The following CCDC74B variants were observed in gnomAD, a reference collection of about 807,000 sequenced individuals.
The protein encoded by CCDC74B is coiled-coil domain containing 74B, also known as coiled-coil domain-containing protein 74B.
CCDC74B carries 34 observed loss-of-function variants against 38.0 expected under a neutral mutation model. The observed-to-expected ratio is 0.89, with a 90% CI of 0.68 to 1.19. CCDC74B has a LOEUF of 1.19. Ranked by LOEUF, CCDC74B falls within the 50% of genes most tolerant of loss-of-function variation. The probability of loss-of-function intolerance (pLI) is 0.00; values close to 1 mark genes in which losing one functional copy is unlikely to be tolerated. For missense variants in CCDC74B, 358 were observed against 406.0 expected (o/e 0.88, Z 1.02); for synonymous variants, 132 against 170.4 (o/e 0.77, Z 1.76).
In CCDC74B at chr2:130,140,339, G is replaced by T. The variant is rs148260408; in HGVS notation, c.518C>A (p.Ala173Asp). 1.2e-6 allele frequency: 2 copies of T among 1,605,842 alleles called. No individual in the cohort carries two copies. Among genetic ancestry groups the T allele is most frequent in the Non-Finnish European group, 1.7e-6 (2 of 1,176,334 alleles). The change falls in exon 5 of 8, where the codon GCT becomes GAT. Residue 173 changes from alanine (A) to aspartate (D), a missense_variant. Transcript: ENST00000409943. ...GTGCTGGCTGTTCCCCATACAGGCA[G>T]CTCCTGCGTTAGAGGCCTCTGCTTT... ...KEKAEASNAG[A>D]ACMGNSQHQG...
Position 130,142,632 on chromosome 2 carries a change from G to C in CCDC74B, c.296-449C>G, listed in dbSNP as rs983630217. On this transcript the variant is annotated intron_variant, in intron 2 of 7. Transcript: ENST00000409943. The stretch of plus-strand genomic sequence containing the variant: ...CCCCAGCTACGATGTTCCCAGGCTG[G>C]CTCCATCCACCAGTCAGATGTCCTC... 27 of 1,543,162 alleles carry C rather than the reference G, an allele frequency of 1.7e-5. No individual in the cohort carries two copies. The Admixed American group carries it at 4.7e-4, about 27-fold the overall frequency.
chr2:130,144,756 C>G lies in CCDC74B; in HGVS notation c.241G>C (p.Glu81Gln). 3.7e-6 allele frequency: 6 copies of G among 1,612,490 alleles called. No homozygotes were observed. Among genetic ancestry groups the G allele is most frequent in the African/African-American group, 2.7e-5 (2 of 74,638 alleles). The change falls in exon 1 of 8, where the codon GAA becomes CAA. Residue 81 changes from glutamate (E) to glutamine (Q), a missense_variant. By Grantham distance (29) the Glu-to-Gln change is conservative. This residue lies in a region of CCDC74B where 128 missense variants were observed against 146.7 expected (regional missense o/e 0.87). Coordinates refer to ENST00000409943, the MANE Select transcript of CCDC74B (RefSeq NM_001258307.2). ...CCCCGCGCCGGCTCACCCTTGTTTTCCCGCTTCAGATGCTCGATCTCCTCA... is the reference window on the plus strand; with the variant it reads ...CCCCGCGCCGGCTCACCCTTGTTTTGCCGCTTCAGATGCTCGATCTCCTCA... ...LHEEIEHLKR[E>Q]NKDLRYKLIM...
chr2:130,143,015 A>G (rs914515495), intron 2 of CCDC74B: 5 of 1,497,086 alleles, frequency 3.3e-6, no homozygotes, highest in African/African-American at 1.4e-5. Context: ...AGGTCTGGGG[A>G]GCACCCTGTG....
At chr2:130,144,475 C>T (rs1558726383) in intron 1 of CCDC74B, 2 of 1,466,050 alleles carry the variant, frequency 1.4e-6, no homozygotes, top group Non-Finnish European at 1.9e-6. Flanking sequence ...GTGTCTGACC[C>T]TGCTTGGAGA....
intron 2 of CCDC74B, chr2:130,142,535 A>G: frequency 6.4e-7 from 1 of 1,553,122 alleles, no homozygotes; most frequent in Non-Finnish European, 8.7e-7. Context: ...GAGTTGCCAC[A>G]GCGGCTAGGG....
chr2:130,140,465 T>C (rs1177309309), intron 4 of CCDC74B, 94 bp from the exon 5 acceptor site: 1 of 1,403,886 alleles, frequency 7.1e-7, no homozygotes, highest in African/African-American at 1.4e-5. Flanking sequence ...CAGGCCAATG[T>C]GGGGAAGAGG....
chr2:130,139,884 G>T lies in CCDC74B; in HGVS notation c.809+7C>A. 1 of 1,610,774 alleles carries T rather than the reference G, an allele frequency of 6.2e-7. No homozygotes were observed. Among genetic ancestry groups the T allele is most frequent in the Admixed American group, 1.7e-5 (1 of 59,432 alleles). ...TGCCCCACTGTCCCCATGCCTGTGG[G>T]ACTTACCATTTCTTGGAGAGGCTCT... On this transcript the variant is annotated splice_region_variant and intron_variant, in intron 7 of 7. Coordinates refer to ENST00000409943, the MANE Select transcript of CCDC74B (RefSeq NM_001258307.2).
intron 1 of CCDC74B, among the ~76,000 whole-genome samples, chr2:130,143,968 A>C: frequency 7.3e-6 from 1 of 137,006 alleles, no homozygotes; most frequent in Non-Finnish European, 1.6e-5. Context: ...AGGAGCAGCT[A>C]AGGGTGCAGT....
intron 1 of CCDC74B, among the ~76,000 whole-genome samples, chr2:130,143,704 C>T (rs1435335298): frequency 6.6e-6 from 1 of 152,058 alleles, no homozygotes; most frequent in Non-Finnish European, 1.5e-5. Context: ...ACGGGGCGTC[C>T]TGAGGCTCAA....
In CCDC74B at chr2:130,142,936, G is replaced by A. The variant is rs548054138; in HGVS notation, c.295+333C>T. On this transcript the variant is annotated intron_variant, in intron 2 of 7. Coordinates refer to ENST00000409943, the MANE Select transcript of CCDC74B (RefSeq NM_001258307.2). The stretch of plus-strand genomic sequence containing the variant: ...GGGCCTGGCCACAGCAGCAATCTGA[G>A]GCAAAGATCTAGCAGGGCAGGGGCT... 69 of 1,549,642 alleles carry A rather than the reference G, an allele frequency of 4.5e-5. 1 individual carries two copies. The South Asian group carries it at 6.6e-4, about 15-fold the overall frequency.
Position 130,139,406 on chromosome 2 carries a change from T to C in CCDC74B, c.*149A>G, listed in dbSNP as rs1238661141. 6.9e-6 allele frequency: 7 copies of C among 1,010,916 alleles called. No homozygotes were observed. In the East Asian group the frequency reaches 1.9e-4, roughly 27 times the overall value. The allele number at this position is 1,010,916 out of a possible 1,614,324, so 62.6% of individuals were successfully genotyped here. A position where few individuals can be genotyped will look rare whatever the true frequency, so the allele number is the denominator to read the frequency against. On this transcript the variant is annotated 3_prime_UTR_variant, in exon 8 of 8. Coordinates refer to ENST00000409943, the MANE Select transcript of CCDC74B (RefSeq NM_001258307.2). ...AGCTAGAAAATAAACAGTTTGTCAG[T>C]TTGGAGATCAAGTACTTTATCTATC...
rs1223806854 is a variant in CCDC74B, at chr2:130,142,173, G to A, written c.306C>T (p.Ser102=). ...NQTSQKKDSL[S]TSSFQSVKSI... is the part of the protein sequence containing the mutation. Reference sequence around the variant, plus strand: ...ACTTGACAGACTGGAAGCTTGACGTGGAGAGGCTGTCTGCAGGAGAGCGCA... The same window carrying A: ...ACTTGACAGACTGGAAGCTTGACGTAGAGAGGCTGTCTGCAGGAGAGCGCA... Residue 102 remains serine (S), a synonymous_variant, in exon 3 of 8, where the codon TCC becomes TCT. Coordinates refer to ENST00000409943, the MANE Select transcript of CCDC74B (RefSeq NM_001258307.2). 3 of 1,613,532 alleles carry A rather than the reference G, an allele frequency of 1.9e-6. No individual in the cohort carries two copies. Among genetic ancestry groups the A allele is most frequent in the African/African-American group, 1.3e-5 (1 of 74,920 alleles).
chr2:130,142,411 G>T (rs1204392669), intron 2 of CCDC74B: 1 of 1,613,390 alleles, frequency 6.2e-7, no homozygotes, highest in Non-Finnish European at 8.5e-7. Context: ...GGGACACATG[G>T]AACAGCAGGT....
chr2:130,139,971 T>G (rs768299950), intron 6 of CCDC74B, 24 bp from the exon 7 acceptor site: 2 of 1,608,206 alleles, frequency 1.2e-6, no homozygotes, highest in African/African-American at 2.7e-5. Flanking sequence ...GAGTCAGCAG[T>G]GAGCTGTGGA....
chr2:130,144,577 C>T (rs758369514), intron 1 of CCDC74B, 170 bp downstream of exon 1: 2 of 1,550,104 alleles, frequency 1.3e-6, no homozygotes, highest in South Asian at 1.2e-5. Context: ...CGCGGGTCTC[C>T]CTCTGGGAGG....
At chr2:130,142,730 G>A (rs1452447003) in intron 2 of CCDC74B, 13 of 1,548,000 alleles carry the variant, frequency 8.4e-6, no homozygotes, top group South Asian at 4.8e-5. Context: ...TGGGCTGGGT[G>A]GGGGCCGCTG....
At position 130,144,808 on chromosome 2, in the gene CCDC74B, C is replaced by T. The variant is rs1422374944; in HGVS notation, c.189G>A (p.Gln63=). Reference sequence around the variant, plus strand: ...GGAGCTTGGCCAGCATCTCCGAGTGCTGCTGCTGCAGGAACTGTAGGCTCT... The same window carrying T: ...GGAGCTTGGCCAGCATCTCCGAGTGTTGCTGCTGCAGGAACTGTAGGCTCT... ...LEKSLQFLQQ[Q]HSEMLAKLHE... Residue 63 remains glutamine (Q), a synonymous_variant, in exon 1 of 8, where the codon CAG becomes CAA. Coordinates refer to ENST00000409943, the MANE Select transcript of CCDC74B (RefSeq NM_001258307.2). 4.3e-6 allele frequency: 7 copies of T among 1,613,410 alleles called. No individual in the cohort carries two copies. The highest frequency in any genetic ancestry group is 2.2e-5 in the South Asian group (2 of 91,080).
At position 130,140,089 on chromosome 2, in the gene CCDC74B, T is replaced by C. The variant is rs1401234777; in HGVS notation, c.686A>G (p.His229Arg). ...TNLLQTQELQ[H>R]LKSLLEGSQR... is the part of the protein sequence containing the mutation. ...GCTCCCTTCCAGGAGGGACTTGAGG[T>C]GCTGCAGCTGAAAGGCAGGGGCAGG... is the stretch of plus-strand genomic sequence containing the variant. The change falls in exon 6 of 8, where the codon CAC (histidine) becomes CGC (arginine). Residue 229 changes from histidine to arginine, a missense_variant. Coordinates refer to ENST00000409943, the MANE Select transcript of CCDC74B (RefSeq NM_001258307.2). 1 of 1,612,774 alleles carries C rather than the reference T, an allele frequency of 6.2e-7. No homozygotes were observed. The highest frequency in any genetic ancestry group is 8.5e-7 in the Non-Finnish European group (1 of 1,179,762).
chr2:130,141,603 G>T lies in CCDC74B; in HGVS notation c.347-307C>A, dbSNP rs531696586. The T allele has an allele frequency of 3.7e-3, 1,757 of 468,786 alleles. 21 individuals carry two copies. The highest frequency in any genetic ancestry group is 0.032 in the African/African-American group (1,629 of 50,986). The allele number at this position is 468,786 out of a possible 1,614,324, so 29.0% of individuals were successfully genotyped here. ...GGACCCAGCCTGCATGGGTTTCCTC[G>T]GCAAGGACAAGGCCCGTCCAGCACC... On this transcript the variant is annotated intron_variant, in intron 3 of 7. Coordinates refer to ENST00000409943, the MANE Select transcript of CCDC74B (RefSeq NM_001258307.2).
Sources: allele counts gnomAD v4.1 joint callset (sites outside exome capture counted in the v4.1 genomes callset), GRCh38; gene constraint gnomAD v4.1.1; regional missense constraint gnomAD v4.1.1; transcripts MANE v1.5; gene names NCBI Gene and HGNC (gene_info 2026-07-23, HGNC 2026-07-21).